The following ANO2 variants were observed in gnomAD, a reference collection of about 807,000 sequenced individuals.
The protein encoded by ANO2 is anoctamin 2.
A neutral mutation model predicts 124.2 loss-of-function variants in ANO2; 101 were observed. The observed-to-expected ratio is 0.81, with a 90% CI of 0.69 to 0.96. ANO2 has a LOEUF of 0.96. ANO2 is among the 40% of genes least tolerant of loss of function. ANO2 has a pLI of 0.00. For missense variants in ANO2, 1,293 were observed against 1,274.5 expected (o/e 1.01, Z -0.22); for synonymous variants, 486 against 482.5 (o/e 1.01, Z -0.09).
intron 20 of ANO2, among the ~76,000 whole-genome samples, chr12:5,589,146 T>C (rs1943268895): frequency 6.6e-6 from 1 of 152,228 alleles, no homozygotes. Context: ...TTGCCCCCAA[T>C]GAAGTTTTGA....
rs189174542 is a variant in ANO2, at chr12:5,583,469, C to T, written c.2234-4951G>A. On this transcript the variant is annotated intron_variant, in intron 20 of 24. Coordinates refer to ENST00000682330, the MANE Select transcript of ANO2 (RefSeq NM_001364791.2). ...GAGATCGAGACCATCTTGGCTAACA[C>T]GGTGAAACCCCGTCTCTACTAAAAA... Among the ~76,000 whole-genome samples the T allele has an allele frequency of 2.9e-4, 44 of 151,592 alleles. No homozygotes were observed. In the East Asian group the frequency reaches 3.1e-3, roughly 11 times the overall value.
chr12:5,643,439 A>G (rs182218261), intron 15 of ANO2, among the ~76,000 whole-genome samples: 118 of 152,276 alleles, frequency 7.7e-4, no homozygotes, highest in African/African-American at 2.5e-3. Flanking sequence ...CAATTTATGT[A>G]TCCATTCTGG....
intron 10 of ANO2, among the ~76,000 whole-genome samples, chr12:5,778,045 TC>T (rs1350597352): frequency 2.0e-5 from 3 of 152,112 alleles, no homozygotes; most frequent in Admixed American, 2.0e-4. Flanking sequence ...AATTTAGACA[TC>T]AAAAGGAATG....
intron 3 of ANO2, among the ~76,000 whole-genome samples, chr12:5,905,717 G>T (rs1165162342): frequency 6.6e-6 from 1 of 152,164 alleles, no homozygotes; most frequent in African/African-American, 2.4e-5. Context: ...CTGCCCAATG[G>T]CACAGAGCCA....
rs1946046838 is a variant in ANO2, at chr12:5,636,896, AC to A, written c.1621-1550del. On this transcript the variant is annotated intron_variant, in intron 15 of 24. Transcript: ENST00000682330. The surrounding 1 kb of genome is among the most constrained non-coding windows in gnomAD (Gnocchi z 4.6). ...TTTATCCTGGTAGGCTTCAAAAAATACCAGTAATTGCCCTATGGGCCGTGTT... is the reference window on the plus strand; with the variant it reads ...TTTATCCTGGTAGGCTTCAAAAAATACAGTAATTGCCCTATGGGCCGTGTT... Among the ~76,000 whole-genome samples the A allele has an allele frequency of 6.6e-6, 1 of 152,128 alleles. No individual in the cohort carries two copies. The highest frequency in any genetic ancestry group is 1.5e-5 in the Non-Finnish European group (1 of 68,024).
chr12:5,661,343 A>G (rs1391948860), intron 14 of ANO2, among the ~76,000 whole-genome samples: 1 of 152,126 alleles, frequency 6.6e-6, no homozygotes, highest in African/African-American at 2.4e-5. Flanking sequence ...TCTTGATGAA[A>G]TCTCCTCTTA....
intron 3 of ANO2, among the ~76,000 whole-genome samples, chr12:5,858,378 C>T (rs949882997): frequency 6.6e-6 from 1 of 151,930 alleles, no homozygotes; most frequent in East Asian, 1.9e-4. Flanking sequence ...CTGAAAACAA[C>T]CAAAATTAAT....
At chr12:5,830,363 G>C (rs1439317460) in intron 6 of ANO2, 72 bp downstream of exon 6, 1 of 1,488,360 alleles carries the variant, frequency 6.7e-7, no homozygotes, top group Non-Finnish European at 9.2e-7. Flanking sequence ...GAGGGTAAGA[G>C]AATGCCCTGC....
chr12:5,691,398 T>G (rs1469799390), intron 14 of ANO2, among the ~76,000 whole-genome samples: 1 of 149,370 alleles, frequency 6.7e-6, no homozygotes, highest in Non-Finnish European at 1.5e-5. Flanking sequence ...AAAAAGACCA[T>G]TGCAGGTCCT....
intron 1 of ANO2, among the ~76,000 whole-genome samples, chr12:5,926,809 G>A (rs1054963893): frequency 6.6e-6 from 1 of 152,204 alleles, no homozygotes; most frequent in Non-Finnish European, 1.5e-5. Flanking sequence ...GAGGACCCAT[G>A]TGATGTTGCC....
intron 12 of ANO2, chr12:5,739,955 A>G (rs945410882): frequency 4.4e-6 from 2 of 456,018 alleles, no homozygotes; most frequent in African/African-American, 4.0e-5. Flanking sequence ...TGTAGCTGAT[A>G]GAATAATCTC....
chr12:5,821,526 C>A (rs905129826), intron 7 of ANO2, among the ~76,000 whole-genome samples: 1 of 152,210 alleles, frequency 6.6e-6, no homozygotes, highest in African/African-American at 2.4e-5. Context: ...CCCAGCAGAT[C>A]CAATGGTGCT....
At chr12:5,932,907 T>C (rs984139606) in intron 1 of ANO2, among the ~76,000 whole-genome samples, 5 of 152,110 alleles carry the variant, frequency 3.3e-5, no homozygotes, top group Non-Finnish European at 7.4e-5. Context: ...AAGAATTAAC[T>C]AGGCATCTAC....
chr12:5,879,714 T>C (rs1938353038), intron 3 of ANO2, among the ~76,000 whole-genome samples: 1 of 152,160 alleles, frequency 6.6e-6, no homozygotes, highest in African/African-American at 2.4e-5. Context: ...GGGCAGGGGC[T>C]GAAGGCAAGA....
At chr12:5,791,803 A>C (rs947485815) in intron 10 of ANO2, among the ~76,000 whole-genome samples, 2 of 152,192 alleles carry the variant, frequency 1.3e-5, no homozygotes, top group South Asian at 4.1e-4. Flanking sequence ...ATTTACAGTA[A>C]TACAATATGA....
intron 23 of ANO2, among the ~76,000 whole-genome samples, chr12:5,570,349 G>T (rs1314748688): frequency 6.6e-6 from 1 of 152,156 alleles, no homozygotes; most frequent in East Asian, 1.9e-4. Context: ...GATGCCTGGG[G>T]TTGGGCAGGG....
chr12:5,577,887 T>C (rs568451252), intron 22 of ANO2, 68 bp downstream of exon 22: 12 of 1,521,136 alleles, frequency 7.9e-6, no homozygotes, highest in Admixed American at 7.3e-5. Flanking sequence ...GGCTTCCCAC[T>C]TTGAAGACCT....
rs76902653 is a variant in ANO2 at position 5,577,980 on chromosome 12, A to G, written c.2414T>C (p.Ile805Thr). 1.9e-6 allele frequency: 3 copies of G among 1,613,878 alleles called. No homozygotes were observed. Among genetic ancestry groups the G allele is most frequent in the African/African-American group, 2.7e-5 (2 of 75,050 alleles). The change falls in exon 22 of 25, where the codon ATT (isoleucine) becomes ACT (threonine). Residue 805 changes from isoleucine (I) to threonine (T), a missense_variant. Physicochemically the swap from Ile to Thr is moderately conservative, Grantham distance 89. Transcript: ENST00000682330. ...GTTGCTGATAACAGAGAACTTGCCA[A>G]TTCCAGAGAGAATGTCAAACCAGAT... is the stretch of plus-strand genomic sequence containing the variant. Reference protein sequence around the residue: ...IGIWFDILSGIGKFSVISNAF... With the variant: ...IGIWFDILSGTGKFSVISNAF...
intron 19 of ANO2, among the ~76,000 whole-genome samples, chr12:5,602,540 C>T (rs565252806): frequency 2.3e-3 from 355 of 152,262 alleles, no homozygotes; most frequent in African/African-American, 8.3e-3. Flanking sequence ...AAGCACGAAC[C>T]ACCACACCCG....
Sources: allele counts gnomAD v4.1 joint callset (sites outside exome capture counted in the v4.1 genomes callset), GRCh38; gene constraint gnomAD v4.1.1; non-coding constraint Gnocchi (gnomAD v3.1); transcripts MANE v1.5; gene names NCBI Gene and HGNC (gene_info 2026-07-23, HGNC 2026-07-21).